CPNE4: variants seen among roughly 807,000 people sequenced by gnomAD.
CPNE4 encodes copine 4, also known as copine-4.
CPNE4 carries 25 observed loss-of-function variants against 67.9 expected under a neutral mutation model. That is an observed-to-expected ratio of 0.37 (90% CI 0.27 to 0.51). The LOEUF (loss-of-function observed/expected upper bound fraction) is 0.51, where lower values mean the gene tolerates loss of function less well. Ranked by LOEUF, CPNE4 falls within the 20% of genes least tolerant of loss-of-function variation. The pLI, the probability that CPNE4 is intolerant of heterozygous loss-of-function variation, is 0.93. For synonymous variants in CPNE4, 242 were observed against 244.9 expected, an observed-to-expected ratio of 0.99 and a Z score of 0.11; for missense variants, 464 against 690.8, an observed-to-expected ratio of 0.67 and a Z score of 3.68.
chr3:131,544,464 T>C (rs900236910), intron 14 of CPNE4, among the ~76,000 whole-genome samples: 11 of 152,208 alleles, frequency 7.2e-5, no homozygotes, highest in African/African-American at 2.7e-4. Context: ...TAAAGGCTAA[T>C]TCTGTTCCAT....
At chr3:131,933,298 C>T (rs6787286) in intron 1 of CPNE4, among the ~76,000 whole-genome samples, 28,847 of 151,820 alleles carry the variant, frequency 0.19, 2,998 homozygotes, top group East Asian at 0.31. Context: ...AAATCTTGGA[C>T]TGAAGCAGTG....
At chr3:132,003,833 A>G (rs1223856628) in intron 1 of CPNE4, among the ~76,000 whole-genome samples, 2 of 152,132 alleles carry the variant, frequency 1.3e-5, no homozygotes, top group Non-Finnish European at 2.9e-5. Context: ...CTGATTAAAA[A>G]GACAAGGCTG....
At position 131,992,349 on chromosome 3, in the gene CPNE4, G is replaced by A. The variant is rs1277980962; in HGVS notation, c.-2+42218C>T. Among the ~76,000 whole-genome samples the A allele has an allele frequency of 1.5e-5, 2 of 136,654 alleles. 1 individual carries two copies. Among genetic ancestry groups the A allele is most frequent in the African/African-American group, 4.9e-5 (2 of 40,750 alleles). 89.7% of individuals were successfully genotyped at this position (136,654 alleles called of 152,430 possible). ...AGTATGACCTGGGTGTGAGACATGG[G>A]GTCAAAGGGGATCATTTCGGAATTT... On this transcript the variant is annotated intron_variant, in intron 1 of 15. Coordinates refer to ENST00000429747, the MANE Select transcript of CPNE4 (RefSeq NM_130808.3).
chr3:131,965,395 G>C (rs1235440515), intron 1 of CPNE4, among the ~76,000 whole-genome samples: 1 of 152,118 alleles, frequency 6.6e-6, no homozygotes, highest in African/African-American at 2.4e-5. Flanking sequence ...AAATGTAAAT[G>C]GGCTAAATGC....
rs529585521 is a variant in CPNE4, at chr3:131,946,516, T to C, written c.-1-41072A>G. 2.0e-5 allele frequency among the ~76,000 whole-genome samples: 3 copies of C among 152,316 alleles called. 1 individual carries two copies. In the South Asian group the frequency reaches 6.2e-4, roughly 32 times the overall value. ...TGTACAGGTAGTCAACATCTTTTTA[T>C]GTGCTTGTTGGCCCTTTGTCTGTAT... On this transcript the variant is annotated intron_variant, in intron 1 of 15. Coordinates refer to ENST00000429747, the MANE Select transcript of CPNE4 (RefSeq NM_130808.3).
At chr3:131,543,043 G>T (rs1935611904) in intron 14 of CPNE4, 13 of 449,652 alleles carry the variant, frequency 2.9e-5, no homozygotes, top group Non-Finnish European at 5.2e-5. Context: ...AGAAAGAGCA[G>T]CAGGCCAAGA....
At chr3:131,736,049 T>C (rs1291845913) in intron 2 of CPNE4, among the ~76,000 whole-genome samples, 1 of 152,204 alleles carries the variant, frequency 6.6e-6, no homozygotes, top group Non-Finnish European at 1.5e-5. Context: ...GATTTCAATA[T>C]GTGCCACAGG....
At chr3:131,570,984 C>T (rs1317588569) in intron 10 of CPNE4, among the ~76,000 whole-genome samples, 2 of 151,606 alleles carry the variant, frequency 1.3e-5, no homozygotes, top group East Asian at 4.0e-4. Flanking sequence ...TCACTGTTAA[C>T]TTCTTGAATG....
At chr3:131,955,272 A>G (rs1179018697) in intron 1 of CPNE4, among the ~76,000 whole-genome samples, 6 of 151,620 alleles carry the variant, frequency 4.0e-5, no homozygotes, top group Non-Finnish European at 8.8e-5. Context: ...TCCCTCCTTC[A>G]CTGCTATGTA....
At chr3:131,946,322 G>A (rs972236840) in intron 1 of CPNE4, among the ~76,000 whole-genome samples, 3 of 152,066 alleles carry the variant, frequency 2.0e-5, no homozygotes, top group African/African-American at 7.2e-5. Flanking sequence ...ATACTTTAAA[G>A]GTTCATTCCG....
rs80154301 is a variant in CPNE4 at position 131,860,018 on chromosome 3, C to A, written c.180+45246G>T. ...CAATAATCTCCCTCATTCCTTTTTT[C>A]TTATCCTCAACAAATCACCTTGTCC... On this transcript the variant is annotated intron_variant, in intron 2 of 15. Transcript: ENST00000429747. Among the ~76,000 whole-genome samples, 205 of 152,180 alleles carry A rather than the reference C, an allele frequency of 1.3e-3. 1 individual carries two copies. The highest frequency in any genetic ancestry group is 4.8e-3 in the African/African-American group (199 of 41,574).
intron 2 of CPNE4, among the ~76,000 whole-genome samples, chr3:131,768,422 C>T (rs1483415114): frequency 6.6e-6 from 1 of 152,114 alleles, no homozygotes; most frequent in East Asian, 1.9e-4. Flanking sequence ...GAATCAGAAT[C>T]CTCCTTTGTG....
intron 7 of CPNE4, among the ~76,000 whole-genome samples, chr3:131,606,821 A>G (rs1939537022): frequency 6.6e-6 from 1 of 152,086 alleles, no homozygotes; most frequent in Non-Finnish European, 1.5e-5. Context: ...AGTTTAAGAT[A>G]ATACAATATT....
chr3:131,876,251 T>G (rs937199309), intron 2 of CPNE4, among the ~76,000 whole-genome samples: 8 of 115,978 alleles, frequency 6.9e-5, no homozygotes, highest in African/African-American at 2.7e-4. Context: ...AATAAATAAA[T>G]AAATAAATAA....
chr3:131,605,336 T>C (rs888109802), intron 7 of CPNE4, among the ~76,000 whole-genome samples: 1 of 152,150 alleles, frequency 6.6e-6, no homozygotes, highest in Non-Finnish European at 1.5e-5. Context: ...GATTCTGTGG[T>C]CCAGGTAGTG....
rs536230244 is a variant in CPNE4, at chr3:131,626,001, G to A, written c.682-38419C>T. Among the ~76,000 whole-genome samples the A allele has an allele frequency of 2.0e-5, 3 of 152,204 alleles. No homozygotes were observed. The East Asian group carries it at 5.8e-4, about 29-fold the overall frequency. On this transcript the variant is annotated intron_variant, in intron 7 of 15. Coordinates refer to ENST00000429747, the MANE Select transcript of CPNE4 (RefSeq NM_130808.3). ...GATCAGTGATCCAAATGTTACTATT[G>A]TAATTGTTTTGAGGTGCCACAAACT...
chr3:131,750,392 C>A (rs1189578488), intron 2 of CPNE4, among the ~76,000 whole-genome samples: 1 of 152,078 alleles, frequency 6.6e-6, no homozygotes, highest in Non-Finnish European at 1.5e-5. Context: ...ATTTTTCCTG[C>A]CATCCTATGG....
intron 2 of CPNE4, among the ~76,000 whole-genome samples, chr3:131,785,388 C>G (rs1354388132): frequency 1.3e-5 from 2 of 152,056 alleles, no homozygotes; most frequent in African/African-American, 4.8e-5. Context: ...CCTCCCTCAC[C>G]TCCTTCATGT....
At chr3:131,701,588 T>A (rs2081302956) in intron 3 of CPNE4, among the ~76,000 whole-genome samples, 1 of 152,190 alleles carries the variant, frequency 6.6e-6, no homozygotes, top group Non-Finnish European at 1.5e-5. Flanking sequence ...TGACAGATTG[T>A]GAGTAGTCCT....
Sources: allele counts gnomAD v4.1 joint callset (sites outside exome capture counted in the v4.1 genomes callset), GRCh38; gene constraint gnomAD v4.1.1; transcripts MANE v1.5; gene names NCBI Gene and HGNC (gene_info 2026-07-23, HGNC 2026-07-21).